Variants in SPG7 observed in about 807,000 individuals in gnomAD.
SPG7 encodes the protein SPG7 matrix AAA peptidase subunit, paraplegin, also known as mitochondrial inner membrane m-AAA protease component paraplegin.
SPG7 carries 103 observed loss-of-function variants against 81.9 expected under a neutral mutation model. The observed-to-expected ratio is 1.26, with a 90% CI of 1.07 to 1.48. The LOEUF is 1.48. Among genes scored for constraint, SPG7 ranks in the 40% most tolerant of loss-of-function variants. SPG7 has a pLI of 0.00. For missense variants in SPG7, 1,241 were observed against 1,087.3 expected (o/e 1.14, Z -1.99); for synonymous variants, 534 against 444.2 (o/e 1.20, Z -2.54).
At chr16:89,533,719 G>A (rs1410152753) in intron 9 of SPG7, 2 of 152,122 alleles carry the variant, frequency 1.3e-5, no homozygotes, top group Non-Finnish European at 2.9e-5. Context: ...ATGACTTCTG[G>A]TCTGGCTTTG....
At chr16:89,535,786 G>A (rs566475205) in intron 9 of SPG7, among the ~76,000 whole-genome samples, 10 of 152,376 alleles carry the variant, frequency 6.6e-5, no homozygotes, top group African/African-American at 1.9e-4. Context: ...CTACAGGCTC[G>A]CTGTACTGCT....
chr16:89,554,634 C>A, intron 16 of SPG7, 71 bp downstream of exon 16: 2 of 1,026,948 alleles, frequency 1.9e-6, no homozygotes, highest in Admixed American at 1.9e-5. Flanking sequence ...GTCCCCACCC[C>A]TCTCGTGAAG....
chr16:89,531,467 C>T (rs907439614), intron 7 of SPG7: 117 of 219,504 alleles, frequency 5.3e-4, no homozygotes, highest in Non-Finnish European at 9.2e-4. Flanking sequence ...TCCACCTCCC[C>T]AGTTCAAGTG....
intron 3 of SPG7, chr16:89,514,276 A>T (rs8045263): frequency 0.14 from 19,420 of 134,276 alleles, 1,633 homozygotes; most frequent in Middle Eastern, 0.26. Context: ...TTCCCTGTAT[A>T]CTTCAACATT....
At chr16:89,547,678 T>C in intron 11 of SPG7, 1 of 372,288 alleles carries the variant, frequency 2.7e-6, no homozygotes, top group Non-Finnish European at 5.2e-6. Context: ...AGTGGCGTGA[T>C]CTTGGCTCCC....
At chr16:89,531,792 A>G (rs1345034368) in intron 7 of SPG7, 112 bp from the exon 8 acceptor site, 2 of 1,060,412 alleles carry the variant, frequency 1.9e-6, no homozygotes, top group Non-Finnish European at 2.9e-6. Flanking sequence ...GCAGTGAGCT[A>G]TCATGGCACC....
chr16:89,539,133 C>G (rs573885075), intron 9 of SPG7: 2 of 152,348 alleles, frequency 1.3e-5, no homozygotes, highest in African/African-American at 4.8e-5. Context: ...TTTACGCACT[C>G]TATGTGTCCC....
chr16:89,526,048 C>T (rs1212004583), intron 4 of SPG7, among the ~76,000 whole-genome samples: 1 of 152,112 alleles, frequency 6.6e-6, no homozygotes, highest in East Asian at 1.9e-4. Context: ...ACAGATGTTC[C>T]TTGAATTAGG....
chr16:89,511,269 A>T (rs2058018235), intron 2 of SPG7, among the ~76,000 whole-genome samples: 1 of 152,160 alleles, frequency 6.6e-6, no homozygotes, highest in Non-Finnish European at 1.5e-5. Flanking sequence ...GATGTTTTAT[A>T]TCCACACAAT....
rs2058700684 is a variant in SPG7 at position 89,557,594 on chromosome 16, AG to A, written c.*503del. ...CTCATCAATGGGGCCAGTCAGGCCC[AG>A]GCACTGGGCTCCGGAGGACTCACCA... On this transcript the variant is annotated 3_prime_UTR_variant, in exon 17 of 17. Transcript: ENST00000645818. The A allele has an allele frequency of 5.3e-6, 1 of 187,384 alleles. No individual in the cohort carries two copies. Among genetic ancestry groups the A allele is most frequent in the East Asian group, 1.3e-4 (1 of 7,482 alleles). The allele number at this position is 187,384 out of a possible 1,614,324, so 11.6% of individuals were successfully genotyped here.
intron 1 of SPG7, among the ~76,000 whole-genome samples, chr16:89,509,786 C>CTTTTTTTTTTTTTTTTTTT (rs34140158): frequency 1.1e-5 from 1 of 95,130 alleles, no homozygotes; most frequent in Non-Finnish European, 2.0e-5. Flanking sequence ...TTGTTTTCTT[C>CTTTTTTTTTTTTTTTTTTT]TTTTTTTTTT....
intron 3 of SPG7, chr16:89,521,876 C>G (rs1321069076): frequency 6.6e-6 from 1 of 152,190 alleles, no homozygotes; most frequent in Non-Finnish European, 1.5e-5. Flanking sequence ...TCCAGGGCAG[C>G]TAGAGTAGCT....
chr16:89,515,451 T>A lies in SPG7; in HGVS notation c.376+2414T>A, dbSNP rs748778020. ...GCCCAGCTAATTTTTGTATTTTCAG[T>A]AGATACAGGGTTTTGCCATGTTGGC... is the stretch of plus-strand genomic sequence containing the variant. On this transcript the variant is annotated intron_variant, in intron 3 of 16. Coordinates refer to ENST00000645818, the MANE Select transcript of SPG7 (RefSeq NM_003119.4). Among the ~76,000 whole-genome samples, 7 of 149,414 alleles carry A rather than the reference T, an allele frequency of 4.7e-5. No homozygotes were observed. The Middle Eastern group carries it at 0.014, about 305-fold the overall frequency.
intron 9 of SPG7, among the ~76,000 whole-genome samples, chr16:89,534,612 G>T (rs778807315): frequency 6.6e-6 from 1 of 152,226 alleles, no homozygotes; most frequent in South Asian, 2.1e-4. Flanking sequence ...GTCTGGAGTC[G>T]TGTGTGTTAG....
intron 3 of SPG7, chr16:89,516,759 G>T (rs1359752054): frequency 6.6e-6 from 1 of 151,862 alleles, no homozygotes; most frequent in African/African-American, 2.4e-5. Context: ...CAGCTAGTCG[G>T]GAGGCTGAGG....
At chr16:89,547,952 C>A in intron 11 of SPG7, 51 bp from the exon 12 acceptor site, 1 of 1,390,534 alleles carries the variant, frequency 7.2e-7, no homozygotes. Flanking sequence ...TCCTCTTAAG[C>A]CCTGATAGCA....
At chr16:89,526,708 G>A (rs1273175459) in intron 5 of SPG7, 5 of 476,246 alleles carry the variant, frequency 1.0e-5, no homozygotes, top group South Asian at 5.9e-5. Context: ...AGCACCTGAG[G>A]ATGCCTAAGC....
rs1257423447 is a variant in SPG7, at chr16:89,533,076, A to T, written c.1324+440A>T. On this transcript the variant is annotated intron_variant, in intron 9 of 16. Transcript: ENST00000645818. ...GTGACAGAGGGAGACTCCATCTCAA[A>T]AAAAAAAAAAAAAAAAACACAGCTT... 1.4e-4 allele frequency: 23 copies of T among 165,756 alleles called. 1 individual carries two copies. Among genetic ancestry groups the T allele is most frequent in the Admixed American group, 1.3e-3 (22 of 17,070 alleles). The allele number at this position is 165,756 out of a possible 1,614,324, so 10.3% of individuals were successfully genotyped here. A position where few individuals can be genotyped will look rare whatever the true frequency, so the allele number is the denominator to read the frequency against.
At chr16:89,530,831 G>A (rs755815538) in intron 7 of SPG7, 23 bp downstream of exon 7, 2 of 1,613,614 alleles carry the variant, frequency 1.2e-6, no homozygotes, top group South Asian at 1.1e-5. Context: ...TGGGCCGGGA[G>A]GGAGGTGTGA....
Sources: gnomAD v4.1 joint callset for allele counts (sites outside exome capture counted in the v4.1 genomes callset) on GRCh38, gnomAD v4.1.1 for gene constraint, MANE v1.5 for transcripts, NCBI Gene and HGNC (gene_info 2026-07-23, HGNC 2026-07-21) for gene names.